Variants in MOSPD2 observed in about 807,000 individuals in gnomAD.
MOSPD2 encodes the protein motile sperm domain containing 2.
Under a neutral mutation model 41.7 loss-of-function variants are expected in MOSPD2, and 5 were observed. That is an observed-to-expected ratio of 0.12 (90% confidence interval 0.06 to 0.25). The LOEUF (loss-of-function observed/expected upper bound fraction) is 0.25, where lower values mean the gene tolerates loss of function less well. MOSPD2 is among the 10% of genes least tolerant of loss of function. The pLI, the probability that MOSPD2 is intolerant of heterozygous loss-of-function variation, is 1.00. For synonymous variants in MOSPD2, 115 were observed against 126.9 expected (o/e 0.91, Z 0.63); for missense variants, 282 against 375.2 (o/e 0.75, Z 2.05).
intron 2 of MOSPD2, among the ~76,000 whole-genome samples, chrX:14,887,125 G>C (rs1470364431): frequency 2.7e-5 from 3 of 112,125 alleles, no homozygotes; most frequent in Non-Finnish European, 5.6e-5. Context: ...AGAAATAAGA[G>C]ATCCTAAGAT....
At chrX:14,901,395 C>T (rs2092572900) in intron 6 of MOSPD2, among the ~76,000 whole-genome samples, 1 of 111,535 alleles carries the variant, frequency 9.0e-6, no homozygotes, top group African/African-American at 3.3e-5. Flanking sequence ...CCTGAGCGTA[C>T]TCCTAGAAAA....
chrX:14,921,877 A>G lies in MOSPD2; in HGVS notation c.*2068A>G, dbSNP rs1248380012. The G allele has an allele frequency of 9.0e-6, 1 of 111,667 alleles. No individual in the cohort carries two copies. Among genetic ancestry groups the G allele is most frequent in the Non-Finnish European group, 1.9e-5 (1 of 53,229 alleles). 9.2% of individuals were successfully genotyped at this position (111,667 alleles called of 1,213,427 possible). A position where few individuals can be genotyped will look rare whatever the true frequency, so the allele number is the denominator to read the frequency against. On this transcript the variant is annotated 3_prime_UTR_variant, in exon 15 of 15. Coordinates refer to ENST00000380492, the MANE Select transcript of MOSPD2 (RefSeq NM_152581.4). ...ACTCTAATCAGTAATTTTATTTTTA[A>G]TCATGTCATTACCTATTCATGACCA...
intron 11 of MOSPD2, chrX:14,915,359 C>A (rs1279656661): frequency 8.8e-6 from 1 of 113,115 alleles, no homozygotes; most frequent in African/African-American, 3.3e-5. Flanking sequence ...GAAAAAATAC[C>A]TTCTATGCAT....
intron 6 of MOSPD2, among the ~76,000 whole-genome samples, chrX:14,901,496 T>C (rs2092573110): frequency 9.0e-6 from 1 of 111,436 alleles, no homozygotes; most frequent in African/African-American, 3.3e-5. Flanking sequence ...ATTTTATTGT[T>C]AATGTGAAGT....
chrX:14,895,187 G>T, intron 3 of MOSPD2, 121 bp from the exon 4 acceptor site: 1 of 472,702 alleles, frequency 2.1e-6, no homozygotes, highest in Non-Finnish European at 3.6e-6. Context: ...TTTTTTGAAT[G>T]TTTGGGTACA....
At chrX:14,880,431 T>G (rs927622604) in intron 2 of MOSPD2, among the ~76,000 whole-genome samples, 11 of 111,897 alleles carry the variant, frequency 9.8e-5, no homozygotes, top group African/African-American at 3.6e-4. Flanking sequence ...AAATATTGAT[T>G]GTTTTCTTTC....
intron 2 of MOSPD2, among the ~76,000 whole-genome samples, chrX:14,883,809 G>T (rs1037836104): frequency 8.9e-6 from 1 of 112,024 alleles, no homozygotes; most frequent in South Asian, 3.7e-4. Flanking sequence ...AGGAAAAAAA[G>T]AGTGATATTA....
rs956044279 is a variant in MOSPD2, at chrX:14,919,904, C to T, written c.*95C>T. Reference sequence around the variant, plus strand: ...CTACCAAGCTACTAAAAACATTGCACATCTGTGCTTCCTAAAAGGAAATAT... The same window carrying T: ...CTACCAAGCTACTAAAAACATTGCATATCTGTGCTTCCTAAAAGGAAATAT... On this transcript the variant is annotated 3_prime_UTR_variant, in exon 15 of 15. Coordinates refer to ENST00000380492, the MANE Select transcript of MOSPD2 (RefSeq NM_152581.4). 1.6e-4 allele frequency: 178 copies of T among 1,113,306 alleles called. No homozygotes were observed. The highest frequency in any genetic ancestry group is 2.0e-4 in the Non-Finnish European group (174 of 850,950). 91.7% of individuals were successfully genotyped at this position (1,113,306 alleles called of 1,213,427 possible).
At chrX:14,915,911 C>A in intron 12 of MOSPD2, 147 bp downstream of exon 12, 1 of 592,880 alleles carries the variant, frequency 1.7e-6, no homozygotes, top group African/African-American at 2.3e-5. Flanking sequence ...CTGTAGACAT[C>A]TTTTTTCCCA....
chrX:14,916,047 T>C, intron 12 of MOSPD2, 150 bp from the exon 13 acceptor site: 3 of 954,750 alleles, frequency 3.1e-6, no homozygotes, highest in Non-Finnish European at 4.3e-6. Flanking sequence ...AGAAATTTCC[T>C]CACTTTTAGA....
chrX:14,904,910 A>T (rs1468682283), intron 7 of MOSPD2, among the ~76,000 whole-genome samples: 3 of 111,473 alleles, frequency 2.7e-5, no homozygotes, highest in African/African-American at 9.8e-5. Context: ...CCTACCCTGA[A>T]TCACACTGTT....
chrX:14,892,276 G>C (rs977745398), intron 2 of MOSPD2, among the ~76,000 whole-genome samples: 4 of 111,831 alleles, frequency 3.6e-5, no homozygotes, highest in Non-Finnish European at 7.5e-5. Context: ...CAGGACCTCA[G>C]GAAGATTCCA....
chrX:14,917,177 G>A (rs2092601775), intron 13 of MOSPD2, among the ~76,000 whole-genome samples: 1 of 112,125 alleles, frequency 8.9e-6, no homozygotes, highest in Non-Finnish European at 1.9e-5. Context: ...AATGCCCATA[G>A]TGTCGAGGTG....
At chrX:14,895,014 A>C (rs1487648142) in intron 3 of MOSPD2, among the ~76,000 whole-genome samples, 1 of 111,919 alleles carries the variant, frequency 8.9e-6, no homozygotes, top group Non-Finnish European at 1.9e-5. Flanking sequence ...TCTGACAGTG[A>C]TATTTGTTTG....
chrX:14,897,313 C>A, intron 5 of MOSPD2, 75 bp downstream of exon 5: 1 of 861,927 alleles, frequency 1.2e-6, no homozygotes, highest in Non-Finnish European at 1.6e-6. Context: ...TGCTGCCAAC[C>A]ACATATTGCT....
chrX:14,918,607 T>G (rs2092604179), intron 13 of MOSPD2, 73 bp from the exon 14 acceptor site: 1 of 723,881 alleles, frequency 1.4e-6, no homozygotes, highest in African/African-American at 2.2e-5. Flanking sequence ...TGTATAACTG[T>G]TTTCATTTTA....
Position 14,873,730 on chromosome X carries a change from G to T in MOSPD2, c.51G>T (p.Arg17=). The T allele has an allele frequency of 8.3e-7, 1 of 1,210,988 alleles. No homozygotes were observed. The highest frequency in any genetic ancestry group is 1.1e-6 in the Non-Finnish European group (1 of 894,688). Residue 17 remains arginine, a synonymous_variant, in exon 2 of 15, where the codon CGG becomes CGT. Transcript: ENST00000380492. ...AAGCCAAGCTCATCTCTGAGACCCGGAGGAGGTTCGAAGCTGAGTATGTGA... is the reference window on the plus strand; with the variant it reads ...AAGCCAAGCTCATCTCTGAGACCCGTAGGAGGTTCGAAGCTGAGTATGTGA... ...QNKAKLISET[R]RRFEAEYVTD...
chrX:14,874,101 A>G lies in MOSPD2; in HGVS notation c.79+343A>G. On this transcript the variant is annotated intron_variant, in intron 2 of 14. Transcript: ENST00000380492. ...ACGGTTCCACTGCTGGCCTTTCACC[A>G]GCAACACTAGCGAAAATGTACCTGG... 6 of 261,819 alleles carry G rather than the reference A, an allele frequency of 2.3e-5. No homozygotes were observed. In the South Asian group the frequency reaches 4.4e-4, roughly 19 times the overall value. 21.6% of individuals were successfully genotyped at this position (261,819 alleles called of 1,213,427 possible).
intron 2 of MOSPD2, among the ~76,000 whole-genome samples, chrX:14,888,762 G>GTGTGTGTGT (rs749391607): frequency 1.9e-5 from 2 of 105,983 alleles, no homozygotes; most frequent in African/African-American, 6.9e-5. Flanking sequence ...ATGTCCTAGG[G>GTGTGTGTGT]GTGTGTGTGT....
Sources: gnomAD v4.1 joint callset for allele counts (sites outside exome capture counted in the v4.1 genomes callset) on GRCh38, gnomAD v4.1.1 for gene constraint, MANE v1.5 for transcripts, NCBI Gene and HGNC (gene_info 2026-07-23, HGNC 2026-07-21) for gene names.